CFAP77: variants seen among roughly 807,000 people sequenced by gnomAD.
The protein encoded by CFAP77 is cilia and flagella associated protein 77, also known as cilia- and flagella-associated protein 77.
In CFAP77, 25 loss-of-function variants were observed where a neutral mutation model predicts 31.1. That is an observed-to-expected ratio of 0.80 (90% CI 0.59 to 1.12). The LOEUF (loss-of-function observed/expected upper bound fraction) is 1.12, where lower values mean the gene tolerates loss of function less well. Among genes scored for constraint, CFAP77 ranks in the 50% most tolerant of loss-of-function variants. CFAP77 has a pLI of 0.00. For missense variants in CFAP77, 377 were observed against 397.3 expected, an observed-to-expected ratio of 0.95 and a Z score of 0.44; for synonymous variants, 151 against 159.9, an observed-to-expected ratio of 0.94 and a Z score of 0.42.
At chr9:132,546,844 C>G (rs947952818) in intron 5 of CFAP77, among the ~76,000 whole-genome samples, 1 of 152,232 alleles carries the variant, frequency 6.6e-6, no homozygotes, top group African/African-American at 2.4e-5. Context: ...CTCTCCAGAC[C>G]TCTGTTTCCT....
intron 1 of CFAP77, among the ~76,000 whole-genome samples, chr9:132,435,050 A>G (rs764229318): frequency 2.6e-5 from 4 of 152,194 alleles, no homozygotes; most frequent in Non-Finnish European, 5.9e-5. Flanking sequence ...GACGCTTAAC[A>G]TGGACTCAAG....
intron 5 of CFAP77, among the ~76,000 whole-genome samples, chr9:132,544,669 G>GT (rs1007211637): frequency 5.9e-5 from 9 of 151,678 alleles, no homozygotes; most frequent in East Asian, 1.9e-4. Context: ...TGATTTTTGT[G>GT]TTTTTTTGCA....
At chr9:132,529,654 G>A (rs1330554035) in intron 3 of CFAP77, among the ~76,000 whole-genome samples, 4 of 151,506 alleles carry the variant, frequency 2.6e-5, no homozygotes, top group Non-Finnish European at 4.4e-5. Context: ...GTGAAACCCC[G>A]TCTCTACTAA....
rs543998337 is a variant in CFAP77, at chr9:132,501,830, C to T, written c.524+2230C>T. Among the ~76,000 whole-genome samples the T allele has an allele frequency of 1.4e-4, 22 of 152,308 alleles. No homozygotes were observed. The highest frequency in any genetic ancestry group is 3.3e-4 in the Admixed American group (5 of 15,306). On this transcript the variant is annotated intron_variant, in intron 3 of 5. Transcript: ENST00000393216. This position sits in a 1 kb window ranked among gnomAD's most constrained non-coding sequence, Gnocchi z 4.6. ...GCCTGGCTGGCCTGGTCTGATGATG[C>T]GCCCTTCCCTGGAGTCAGGGGTGAA...
At chr9:132,446,395 T>C (rs1489624229) in intron 1 of CFAP77, among the ~76,000 whole-genome samples, 1 of 151,434 alleles carries the variant, frequency 6.6e-6, no homozygotes, top group African/African-American at 2.4e-5. Context: ...CCCCGATAGA[T>C]CGCGTGTAGT....
In CFAP77 at chr9:132,572,542, T is replaced by A. The variant is rs1318416571; in HGVS notation, c.*32T>A. On this transcript the variant is annotated 3_prime_UTR_variant, in exon 6 of 6. Coordinates refer to ENST00000393216, the MANE Select transcript of CFAP77 (RefSeq NM_001282957.2). ...CCTCCCCTGCCACAAGAAGCCATCT[T>A]GACATAGTGGAAAATTCCCAGAAGG... 30 of 1,584,340 alleles carry A rather than the reference T, an allele frequency of 1.9e-5. No homozygotes were observed. The highest frequency in any genetic ancestry group is 2.5e-5 in the Non-Finnish European group (29 of 1,170,946).
intron 1 of CFAP77, among the ~76,000 whole-genome samples, chr9:132,477,337 C>T (rs1366740209): frequency 1.3e-5 from 2 of 152,174 alleles, no homozygotes; most frequent in African/African-American, 4.8e-5. Context: ...CTACTACGTG[C>T]CAAGAACTAC....
intron 1 of CFAP77, among the ~76,000 whole-genome samples, chr9:132,437,455 C>T (rs1850522159): frequency 6.7e-6 from 1 of 149,908 alleles, no homozygotes; most frequent in African/African-American, 2.5e-5. Context: ...GTCTGGACTT[C>T]GTCCGAGGGC....
At chr9:132,448,983 G>A (rs534569470) in intron 1 of CFAP77, among the ~76,000 whole-genome samples, 3 of 152,180 alleles carry the variant, frequency 2.0e-5, no homozygotes, top group East Asian at 1.9e-4. Context: ...CACCTATGAC[G>A]TGGAGATGAG....
chr9:132,487,213 T>G (rs1325859549), intron 1 of CFAP77, among the ~76,000 whole-genome samples: 1 of 152,104 alleles, frequency 6.6e-6, no homozygotes, highest in East Asian at 1.9e-4. Context: ...TCGGGAGGTT[T>G]TGCAGGGGAG....
chr9:132,524,363 G>A (rs1852318550), intron 3 of CFAP77, among the ~76,000 whole-genome samples: 1 of 151,816 alleles, frequency 6.6e-6, no homozygotes, highest in Non-Finnish European at 1.5e-5. Flanking sequence ...CACTTTGGGA[G>A]GCCAAGGCGG....
chr9:132,443,680 T>C (rs2131705121), intron 1 of CFAP77, among the ~76,000 whole-genome samples: 1 of 152,300 alleles, frequency 6.6e-6, no homozygotes, highest in Non-Finnish European at 1.5e-5. Context: ...CTTACATATG[T>C]AGTAGCAGTT....
chr9:132,542,745 G>A (rs570199409), intron 4 of CFAP77, among the ~76,000 whole-genome samples: 16 of 140,810 alleles, frequency 1.1e-4, no homozygotes, highest in African/African-American at 3.8e-4. Context: ...CCCTCCCCCA[G>A]TCTCCTGAGC....
At chr9:132,547,543 G>A (rs1045415082) in intron 5 of CFAP77, among the ~76,000 whole-genome samples, 1 of 152,206 alleles carries the variant, frequency 6.6e-6, no homozygotes, top group Non-Finnish European at 1.5e-5. Context: ...ATGCTATGCT[G>A]GCGAACAGGC....
At position 132,517,093 on chromosome 9, in the gene CFAP77, G is replaced by A. The variant is rs1460465107; in HGVS notation, c.524+17493G>A. 6.6e-6 allele frequency among the ~76,000 whole-genome samples: 1 copy of A among 152,168 alleles called. No homozygotes were observed. Among genetic ancestry groups the A allele is most frequent in the Non-Finnish European group, 1.5e-5 (1 of 68,022 alleles). On this transcript the variant is annotated intron_variant, in intron 3 of 5. Transcript: ENST00000393216. This position sits in a 1 kb window ranked among gnomAD's most constrained non-coding sequence, Gnocchi z 4.7. ...GTGGAGAGGGTGGATCTCCCTAGAC[G>A]GCTCCACTTCTGGGTGTCCCTCATG...
chr9:132,458,100 G>A (rs1850954233), intron 1 of CFAP77, among the ~76,000 whole-genome samples: 1 of 152,282 alleles, frequency 6.6e-6, no homozygotes, highest in African/African-American at 2.4e-5. Context: ...TTGAGATGTG[G>A]GCCTCCTTCT....
chr9:132,420,497 A>G (rs1413770367), intron 1 of CFAP77, among the ~76,000 whole-genome samples: 1 of 149,476 alleles, frequency 6.7e-6, no homozygotes, highest in East Asian at 2.0e-4. Context: ...TACTAAAAAT[A>G]CAAAAAAAAA....
chr9:132,568,110 A>AT (rs1238948097), intron 5 of CFAP77, among the ~76,000 whole-genome samples: 1 of 152,148 alleles, frequency 6.6e-6, no homozygotes, highest in East Asian at 1.9e-4. Context: ...TCCCCTATGA[A>AT]GAGCCATGGG....
At chr9:132,555,931 T>G (rs139606342) in intron 5 of CFAP77, among the ~76,000 whole-genome samples, 1 of 151,926 alleles carries the variant, frequency 6.6e-6, no homozygotes, top group African/African-American at 2.4e-5. Context: ...AGAATCAACA[T>G]GCAAAACATA....
Sources: gnomAD v4.1 joint callset for allele counts (sites outside exome capture counted in the v4.1 genomes callset) on GRCh38, gnomAD v4.1.1 for gene constraint, Gnocchi (gnomAD v3.1) non-coding constraint, MANE v1.5 for transcripts, NCBI Gene and HGNC (gene_info 2026-07-23, HGNC 2026-07-21) for gene names.